Variants in CACNA2D2 observed in about 807,000 individuals in gnomAD.
CACNA2D2 encodes the protein calcium voltage-gated channel auxiliary subunit alpha2delta 2.
Under a neutral mutation model 166.4 loss-of-function variants are expected in CACNA2D2, and 48 were observed. That is an observed-to-expected ratio of 0.29 (90% CI 0.23 to 0.37). The LOEUF (loss-of-function observed/expected upper bound fraction) is 0.37. Ranked by LOEUF, CACNA2D2 falls within the 10% of genes least tolerant of loss-of-function variation. The pLI, the probability that CACNA2D2 is intolerant of heterozygous loss-of-function variation, is 1.00. For missense variants in CACNA2D2, 1,122 were observed against 1,433.0 expected, an observed-to-expected ratio of 0.78 and a Z score of 3.50; for synonymous variants, 561 against 573.7, an observed-to-expected ratio of 0.98 and a Z score of 0.32.
chr3:50,411,721 A>T (rs557548659), intron 3 of CACNA2D2, among the ~76,000 whole-genome samples: 114 of 152,318 alleles, frequency 7.5e-4, no homozygotes, highest in Admixed American at 7.3e-3. Context: ...CCCACACCTA[A>T]GTCTGTTCAG....
intron 2 of CACNA2D2, among the ~76,000 whole-genome samples, chr3:50,465,154 C>A (rs1709773587): frequency 6.6e-6 from 1 of 152,250 alleles, no homozygotes. Flanking sequence ...GGGTGCCAGG[C>A]TGCAGCTGCC....
At chr3:50,437,752 C>T (rs1243221387) in intron 2 of CACNA2D2, among the ~76,000 whole-genome samples, 4 of 152,134 alleles carry the variant, frequency 2.6e-5, no homozygotes, top group African/African-American at 9.7e-5. Flanking sequence ...CTCCAGTGCA[C>T]AGACTCTGCC....
chr3:50,481,500 A>G (rs1326854187), intron 1 of CACNA2D2, among the ~76,000 whole-genome samples: 1 of 152,160 alleles, frequency 6.6e-6, no homozygotes, highest in Non-Finnish European at 1.5e-5. Context: ...AGGGGTGGGC[A>G]GCAGGGGAAG....
chr3:50,416,887 T>A (rs1436862578), intron 3 of CACNA2D2, among the ~76,000 whole-genome samples: 1 of 152,168 alleles, frequency 6.6e-6, no homozygotes, highest in Non-Finnish European at 1.5e-5. Context: ...GCCCATCGGG[T>A]GCACACAGAT....
chr3:50,489,376 T>TGG (rs1414066003), intron 1 of CACNA2D2, among the ~76,000 whole-genome samples: 1 of 152,156 alleles, frequency 6.6e-6, no homozygotes, highest in Admixed American at 6.5e-5. Context: ...CCCCCCGCGC[T>TGG]GGCTCAGGAA....
intron 4 of CACNA2D2, among the ~76,000 whole-genome samples, chr3:50,393,416 C>T (rs369412281): frequency 1.1e-4 from 17 of 152,364 alleles, no homozygotes; most frequent in Non-Finnish European, 1.6e-4. Flanking sequence ...GCCCTGCCTC[C>T]GTCTGATGCT....
At chr3:50,387,655 C>G (rs766058310) in intron 4 of CACNA2D2, 43 bp from the exon 5 acceptor site, 38 of 1,516,896 alleles carry the variant, frequency 2.5e-5, no homozygotes, top group Non-Finnish European at 3.5e-5. Context: ...GCTCAGGGTC[C>G]CGAGACAGAC....
chr3:50,450,512 T>C (rs1010444057), intron 2 of CACNA2D2, among the ~76,000 whole-genome samples: 11 of 152,034 alleles, frequency 7.2e-5, no homozygotes, highest in African/African-American at 2.7e-4. Flanking sequence ...TGCACCCCCA[T>C]CACCCTGCTC....
At chr3:50,487,599 G>A (rs1459104826) in intron 1 of CACNA2D2, among the ~76,000 whole-genome samples, 1 of 152,150 alleles carries the variant, frequency 6.6e-6, no homozygotes, top group Non-Finnish European at 1.5e-5. Flanking sequence ...CTTTAGCAAA[G>A]CAAATCCCCT....
At position 50,364,421 on chromosome 3, in the gene CACNA2D2, G is replaced by A. The variant is rs1704096586; in HGVS notation, c.*245C>T. 3.9e-6 allele frequency: 2 copies of A among 507,682 alleles called. No homozygotes were observed. The highest frequency in any genetic ancestry group is 2.0e-5 in the African/African-American group (1 of 50,384). 31.4% of individuals were successfully genotyped at this position (507,682 alleles called of 1,614,324 possible). A position where few individuals can be genotyped will look rare whatever the true frequency, so the allele number is the denominator to read the frequency against. The stretch of plus-strand genomic sequence containing the variant: ...CATCCCACTGGGGGGAGCCCAGCAG[G>A]CAAGAAGGGTCTGGGGACACTTGAA... On this transcript the variant is annotated 3_prime_UTR_variant, in exon 38 of 38. Coordinates refer to ENST00000424201, the MANE Select transcript of CACNA2D2 (RefSeq NM_006030.4).
chr3:50,373,023 G>A, intron 22 of CACNA2D2: 3 of 1,520,872 alleles, frequency 2.0e-6, no homozygotes, highest in Middle Eastern at 1.7e-4. Flanking sequence ...GAGGATGGGA[G>A]GGGTGGGAAG....
intron 2 of CACNA2D2, among the ~76,000 whole-genome samples, chr3:50,452,492 A>T (rs1709148031): frequency 6.6e-6 from 1 of 152,188 alleles, no homozygotes; most frequent in Admixed American, 6.5e-5. Flanking sequence ...CATGTGATGG[A>T]TGTAACTGCT....
chr3:50,390,707 G>A (rs9311451), intron 4 of CACNA2D2, among the ~76,000 whole-genome samples: 9,871 of 152,222 alleles, frequency 0.065, 829 homozygotes, highest in African/African-American at 0.2. Context: ...GGCGGGGCAG[G>A]AGGGTCCACG....
Position 50,363,154 on chromosome 3 carries a change from G to C in CACNA2D2, c.*1512C>G, listed in dbSNP as rs998759379. The C allele has an allele frequency of 5.0e-6, 2 of 398,786 alleles. No homozygotes were observed. Among genetic ancestry groups the C allele is most frequent in the African/African-American group, 4.1e-5 (2 of 48,680 alleles). The allele number at this position is 398,786 out of a possible 1,614,324, so 24.7% of individuals were successfully genotyped here. On this transcript the variant is annotated 3_prime_UTR_variant, in exon 38 of 38. Coordinates refer to ENST00000424201, the MANE Select transcript of CACNA2D2 (RefSeq NM_006030.4). ...TGTATATGTTTATATTCTCCATTGA[G>C]CACCTGACTACACTACAGTTACACG...
Position 50,365,210 on chromosome 3 carries a change from C to G in CACNA2D2, c.3099-26G>C. The G allele has an allele frequency of 6.2e-7, 1 of 1,609,606 alleles. No homozygotes were observed. Among genetic ancestry groups the G allele is most frequent in the Non-Finnish European group, 8.5e-7 (1 of 1,178,178 alleles). On this transcript the variant is annotated intron_variant, in intron 35 of 37. Coordinates refer to ENST00000424201, the MANE Select transcript of CACNA2D2 (RefSeq NM_006030.4). This position sits in a 1 kb window ranked among gnomAD's most constrained non-coding sequence, Gnocchi z 4.5. ...CTGCGGGCAGCCCGGAAAGGCGGGG[C>G]GTTGAGTTTGCCCCGCCCTGACCCA...
chr3:50,381,171 T>C (rs367853985), intron 6 of CACNA2D2, 45 bp from the exon 7 acceptor site: 2 of 1,608,506 alleles, frequency 1.2e-6, no homozygotes, highest in Non-Finnish European at 1.7e-6. Context: ...CTGGGCTGTG[T>C]CCTGTCGAAC....
rs1705253614 is a variant in CACNA2D2, at chr3:50,380,662, G to A, written c.842+86C>T. Reference sequence around the variant, plus strand: ...ACAGCTGGCTGCGCCCTGCTAGGAGGCTTGGAAATGGGGAGGGAGGGGAGC... The same window carrying A: ...ACAGCTGGCTGCGCCCTGCTAGGAGACTTGGAAATGGGGAGGGAGGGGAGC... On this transcript the variant is annotated intron_variant, in intron 8 of 37. Coordinates refer to ENST00000424201, the MANE Select transcript of CACNA2D2 (RefSeq NM_006030.4). This position sits in a 1 kb window ranked among gnomAD's most constrained non-coding sequence, Gnocchi z 4.9. 1 of 1,117,286 alleles carries A rather than the reference G, an allele frequency of 9.0e-7. No homozygotes were observed. The highest frequency in any genetic ancestry group is 1.2e-6 in the Non-Finnish European group (1 of 800,556). 69.2% of individuals were successfully genotyped at this position (1,117,286 alleles called of 1,614,324 possible). A position where few individuals can be genotyped will look rare whatever the true frequency, so the allele number is the denominator to read the frequency against.
intron 3 of CACNA2D2, among the ~76,000 whole-genome samples, chr3:50,410,673 G>A (rs143504275): frequency 1.5e-4 from 23 of 152,332 alleles, no homozygotes; most frequent in African/African-American, 5.3e-4. Context: ...AGGCCACTCC[G>A]CTGCAGGACT....
chr3:50,385,593 C>T (rs906303770), intron 5 of CACNA2D2, among the ~76,000 whole-genome samples: 9 of 142,136 alleles, frequency 6.3e-5, no homozygotes, highest in African/African-American at 2.2e-4. Flanking sequence ...CTGTGGCAGA[C>T]ACTCTTTTCA....
Sources: allele counts gnomAD v4.1 joint callset (sites outside exome capture counted in the v4.1 genomes callset), GRCh38; gene constraint gnomAD v4.1.1; non-coding constraint Gnocchi (gnomAD v3.1); transcripts MANE v1.5; gene names NCBI Gene and HGNC (gene_info 2026-07-23, HGNC 2026-07-21).